The following EYS variants were observed in gnomAD, a reference collection of about 807,000 sequenced individuals.
The protein encoded by EYS is protein eyes shut homolog.
EYS carries 250 observed loss-of-function variants against 282.1 expected under a neutral mutation model. The ratio of observed to expected loss-of-function variants is 0.89; its 90% CI spans 0.80 to 0.98. The LOEUF (loss-of-function observed/expected upper bound fraction) is 0.98, where lower values mean the gene tolerates loss of function less well. EYS is among the 50% of genes least tolerant of loss of function. The pLI is 0.00. For synonymous variants in EYS, 1,355 were observed against 1,282.9 expected (o/e 1.06, Z -1.20); for missense variants, 4,016 against 3,709.0 (o/e 1.08, Z -2.15).
chr6:63,876,713 A>G (rs897539605), intron 35 of EYS, among the ~76,000 whole-genome samples: 1 of 152,180 alleles, frequency 6.6e-6, no homozygotes, highest in African/African-American at 2.4e-5. Flanking sequence ...TCCCTTTAAC[A>G]TTATATAATG....
chr6:65,066,720 T>C (rs1052745448), intron 12 of EYS, among the ~76,000 whole-genome samples: 27 of 152,304 alleles, frequency 1.8e-4, no homozygotes, highest in Admixed American at 1.3e-3. Context: ...GATTTTATGC[T>C]TTCAAATGAG....
intron 22 of EYS, among the ~76,000 whole-genome samples, chr6:64,659,947 A>T (rs1768930256): frequency 6.6e-6 from 1 of 152,210 alleles, no homozygotes; most frequent in Non-Finnish European, 1.5e-5. Context: ...AGAGAATTTC[A>T]GACCAATATC....
intron 12 of EYS, among the ~76,000 whole-genome samples, chr6:65,188,506 G>A (rs559817351): frequency 6.6e-6 from 1 of 151,344 alleles, no homozygotes; most frequent in Non-Finnish European, 1.5e-5. Flanking sequence ...ATGTCTCAGT[G>A]GTAGTCAGAA....
intron 40 of EYS, among the ~76,000 whole-genome samples, chr6:63,773,649 T>A (rs1432008431): frequency 6.6e-6 from 1 of 152,134 alleles, no homozygotes; most frequent in Non-Finnish European, 1.5e-5. Flanking sequence ...AAAGAGGATT[T>A]TAGGAAGATT....
chr6:64,319,335 A>G (rs1770110785), intron 29 of EYS, among the ~76,000 whole-genome samples: 1 of 151,858 alleles, frequency 6.6e-6, no homozygotes, highest in Non-Finnish European at 1.5e-5. Flanking sequence ...ATTAGGTAAA[A>G]GTTTTAGAAA....
intron 12 of EYS, among the ~76,000 whole-genome samples, chr6:65,245,121 A>G (rs1323121220): frequency 2.0e-5 from 3 of 152,180 alleles, no homozygotes; most frequent in Non-Finnish European, 2.9e-5. Context: ...AGTTTATCAG[A>G]TATTTAGAAT....
intron 24 of EYS, among the ~76,000 whole-genome samples, chr6:64,598,658 T>C (rs1214310166): frequency 1.3e-5 from 2 of 152,214 alleles, no homozygotes; most frequent in Non-Finnish European, 1.5e-5. Flanking sequence ...TAGCCCTCTA[T>C]GTCTTCACTC....
intron 22 of EYS, among the ~76,000 whole-genome samples, chr6:64,805,627 C>T (rs4710496): frequency 0.45 from 67,939 of 151,142 alleles, 16,725 homozygotes; most frequent in Admixed American, 0.63. Flanking sequence ...TAAGGTATTA[C>T]ATTCAAAATC....
intron 33 of EYS, among the ~76,000 whole-genome samples, chr6:64,055,784 A>C (rs1429498679): frequency 6.6e-6 from 1 of 152,176 alleles, no homozygotes; most frequent in Non-Finnish European, 1.5e-5. Flanking sequence ...TAGAACACAG[A>C]GAACAGTCGC....
intron 12 of EYS, among the ~76,000 whole-genome samples, chr6:65,290,917 G>T (rs1768507407): frequency 6.6e-6 from 1 of 151,052 alleles, no homozygotes; most frequent in African/African-American, 2.4e-5. Context: ...GAAATCTAAA[G>T]TCCTTTGAAA....
At chr6:64,209,558 T>C (rs1024571762) in intron 31 of EYS, among the ~76,000 whole-genome samples, 1 of 152,190 alleles carries the variant, frequency 6.6e-6, no homozygotes, top group African/African-American at 2.4e-5. Context: ...TTCCCTCCAT[T>C]TGATTATCTT....
chr6:64,234,878 T>G (rs1278176917), intron 30 of EYS, among the ~76,000 whole-genome samples: 2 of 133,732 alleles, frequency 1.5e-5, no homozygotes, highest in Non-Finnish European at 3.3e-5. Context: ...CAGAACTTTA[T>G]TCTTTTTTTT....
chr6:65,186,321 T>C (rs572793268), intron 12 of EYS, among the ~76,000 whole-genome samples: 12 of 151,788 alleles, frequency 7.9e-5, no homozygotes, highest in African/African-American at 2.7e-4. Flanking sequence ...ATACGAAAAA[T>C]CACAATTCAC....
intron 22 of EYS, among the ~76,000 whole-genome samples, chr6:64,728,665 T>C (rs1166224847): frequency 1.3e-5 from 2 of 152,144 alleles, no homozygotes; most frequent in East Asian, 3.9e-4. Context: ...TTTTGCCATC[T>C]GTGGACAGCT....
At chr6:65,474,559 G>T (rs1448033440) in intron 5 of EYS, among the ~76,000 whole-genome samples, 1 of 152,058 alleles carries the variant, frequency 6.6e-6, no homozygotes, top group East Asian at 1.9e-4. Context: ...GTATAAGGAA[G>T]CCAATGCCAT....
chr6:63,904,744 G>A (rs1327112698), intron 35 of EYS, among the ~76,000 whole-genome samples: 1 of 152,130 alleles, frequency 6.6e-6, no homozygotes, highest in Non-Finnish European at 1.5e-5. Flanking sequence ...AGAAGCAACA[G>A]GCATTTTGTA....
chr6:63,823,670 T>C (rs1236954769), intron 36 of EYS, among the ~76,000 whole-genome samples: 1 of 152,142 alleles, frequency 6.6e-6, no homozygotes, highest in Admixed American at 6.5e-5. Context: ...AGTTCTTTTA[T>C]ACTTTATTTA....
intron 33 of EYS, among the ~76,000 whole-genome samples, chr6:64,034,257 C>T (rs571370942): frequency 6.6e-6 from 1 of 152,324 alleles, no homozygotes; most frequent in African/African-American, 2.4e-5. Flanking sequence ...ACCACCACTA[C>T]TAGTACTACC....
intron 12 of EYS, among the ~76,000 whole-genome samples, chr6:65,073,743 C>T (rs753932575): frequency 1.3e-5 from 2 of 151,634 alleles, no homozygotes; most frequent in African/African-American, 4.8e-5. Context: ...AAAGGATATA[C>T]AAATATTATG....
Sources: allele counts gnomAD v4.1 joint callset (sites outside exome capture counted in the v4.1 genomes callset), GRCh38; gene constraint gnomAD v4.1.1; transcripts MANE v1.5; gene names NCBI Gene and HGNC (gene_info 2026-07-23, HGNC 2026-07-21).